C1orf87: variants seen among roughly 807,000 people sequenced by gnomAD.
C1orf87 encodes uncharacterized protein C1orf87.
In C1orf87, 58 loss-of-function variants were observed where a neutral mutation model predicts 60.5. The ratio of observed to expected loss-of-function variants is 0.96; its 90% CI spans 0.78 to 1.19. C1orf87 has a LOEUF of 1.19. C1orf87 is among the 50% of genes most tolerant of loss of function. The pLI is 0.00. For missense variants in C1orf87, 673 were observed against 638.6 expected (o/e 1.05, Z -0.58); for synonymous variants, 236 against 227.4 (o/e 1.04, Z -0.34).
At chr1:60,054,976 C>A (rs142522746) in intron 3 of C1orf87, among the ~76,000 whole-genome samples, 2,426 of 152,154 alleles carry the variant, frequency 0.016, 24 homozygotes, top group Non-Finnish European at 0.026. Context: ...TTGTCATGAC[C>A]AACTTCTTTG....
intron 3 of C1orf87, among the ~76,000 whole-genome samples, chr1:60,044,309 C>T (rs1190123747): frequency 2.0e-5 from 3 of 152,200 alleles, no homozygotes; most frequent in African/African-American, 7.2e-5. Flanking sequence ...GGATTACAGG[C>T]GTGAGCCACC....
chr1:60,068,431 C>G (rs74085896), intron 2 of C1orf87, among the ~76,000 whole-genome samples: 1,818 of 152,284 alleles, frequency 0.012, 38 homozygotes, highest in African/African-American at 0.041. Context: ...GTATTAAAAA[C>G]TGTTGAATAA....
chr1:60,064,394 T>C (rs1645521286), intron 2 of C1orf87, among the ~76,000 whole-genome samples: 1 of 141,154 alleles, frequency 7.1e-6, no homozygotes, highest in Non-Finnish European at 1.5e-5. Context: ...CACAACAAAG[T>C]GATTCACATA....
intron 8 of C1orf87, among the ~76,000 whole-genome samples, chr1:60,017,477 C>G (rs959515302): frequency 6.6e-6 from 1 of 152,144 alleles, no homozygotes; most frequent in Non-Finnish European, 1.5e-5. Context: ...TTTCATGAAG[C>G]TTCCATAGCA....
At chr1:60,059,234 G>A (rs758235425) in intron 2 of C1orf87, among the ~76,000 whole-genome samples, 29 of 152,132 alleles carry the variant, frequency 1.9e-4, no homozygotes, top group Non-Finnish European at 3.7e-4. Flanking sequence ...CTAGGCTTGT[G>A]TACCATCTAC....
At chr1:60,017,604 C>G (rs1645132829) in intron 8 of C1orf87, among the ~76,000 whole-genome samples, 1 of 152,152 alleles carries the variant, frequency 6.6e-6, no homozygotes, top group African/African-American at 2.4e-5. Flanking sequence ...GCCTCCTGTT[C>G]TCTCTCTGCC....
chr1:60,005,419 A>G (rs887546517), intron 9 of C1orf87, among the ~76,000 whole-genome samples: 1 of 149,576 alleles, frequency 6.7e-6, no homozygotes, highest in Admixed American at 6.8e-5. Flanking sequence ...AATGTCAGGT[A>G]GTGATAAGTG....
intron 7 of C1orf87, among the ~76,000 whole-genome samples, chr1:60,027,646 A>G (rs1259396412): frequency 6.6e-6 from 1 of 152,246 alleles, no homozygotes; most frequent in Non-Finnish European, 1.5e-5. Flanking sequence ...TATGAAAGGA[A>G]AGACAACCAA....
At chr1:60,060,288 G>A (rs1411592615) in intron 2 of C1orf87, among the ~76,000 whole-genome samples, 1 of 151,980 alleles carries the variant, frequency 6.6e-6, no homozygotes, top group Non-Finnish European at 1.5e-5. Context: ...ATTCTTTCAT[G>A]TTGTGTGACT....
At chr1:60,016,540 C>A (rs1453439795) in intron 8 of C1orf87, among the ~76,000 whole-genome samples, 1 of 152,124 alleles carries the variant, frequency 6.6e-6, no homozygotes, top group Non-Finnish European at 1.5e-5. Context: ...ACTCTGAAAT[C>A]TAAACAAATG....
At chr1:60,012,177 TG>T (rs897841756) in intron 8 of C1orf87, among the ~76,000 whole-genome samples, 1 of 144,022 alleles carries the variant, frequency 6.9e-6, no homozygotes, top group African/African-American at 2.6e-5. Context: ...GACGCTTTGA[TG>T]AAAAAAAAAA....
At chr1:60,008,760 A>G in intron 9 of C1orf87, 2 of 445,504 alleles carry the variant, frequency 4.5e-6, no homozygotes, top group Non-Finnish European at 4.5e-6. Context: ...TGGTCTCCTC[A>G]TTGAAAATAT....
chr1:60,002,625 T>C (rs1192241119), intron 9 of C1orf87, among the ~76,000 whole-genome samples: 2 of 152,100 alleles, frequency 1.3e-5, no homozygotes, highest in Non-Finnish European at 2.9e-5. Context: ...GTGCAGAAGC[T>C]CTTTAGTTTA....
intron 11 of C1orf87, among the ~76,000 whole-genome samples, chr1:59,993,012 C>T (rs1644935733): frequency 6.6e-6 from 1 of 152,152 alleles, no homozygotes; most frequent in African/African-American, 2.4e-5. Context: ...AGCTTTGCTT[C>T]CTCTGGCCAT....
At chr1:60,005,360 C>T (rs1645036341) in intron 9 of C1orf87, among the ~76,000 whole-genome samples, 1 of 152,052 alleles carries the variant, frequency 6.6e-6, no homozygotes, top group African/African-American at 2.4e-5. Flanking sequence ...AGAATCTTTG[C>T]TTCATGGAGT....
Position 60,010,563 on chromosome 1 carries a change from T to C in C1orf87, c.1128-107A>G. On this transcript the variant is annotated intron_variant, in intron 8 of 11. Coordinates refer to ENST00000371201, the MANE Select transcript of C1orf87 (RefSeq NM_152377.3). ...TAGTGATATTGAATAAGCTTTTTGATACTTCTATCATTTAAGGTCCAATGC... is the reference window on the plus strand; with the variant it reads ...TAGTGATATTGAATAAGCTTTTTGACACTTCTATCATTTAAGGTCCAATGC... 9 of 943,474 alleles carry C rather than the reference T, an allele frequency of 9.5e-6. No individual in the cohort carries two copies. In the South Asian group the frequency reaches 1.3e-4, roughly 14 times the overall value. 58.4% of individuals were successfully genotyped at this position (943,474 alleles called of 1,614,324 possible). A position where few individuals can be genotyped will look rare whatever the true frequency, so the allele number is the denominator to read the frequency against.
chr1:60,069,584 A>G (rs754042997), intron 2 of C1orf87, among the ~76,000 whole-genome samples: 1 of 152,106 alleles, frequency 6.6e-6, no homozygotes, highest in Non-Finnish European at 1.5e-5. Context: ...AAATATAAGT[A>G]TTTTTCTTTG....
At chr1:60,026,639 G>A (rs1310618990) in intron 7 of C1orf87, among the ~76,000 whole-genome samples, 3 of 152,104 alleles carry the variant, frequency 2.0e-5, no homozygotes, top group Non-Finnish European at 2.9e-5. Context: ...CAAGTTTAAT[G>A]TGTGGACTAT....
chr1:60,033,560 G>T lies in C1orf87; in HGVS notation c.945C>A (p.Thr315=), dbSNP rs201219040. The change falls in exon 7 of 12, where the codon ACC becomes ACA. Residue 315 remains threonine, a synonymous_variant. Transcript: ENST00000371201. The part of the protein sequence containing the change: ...LEILKMALRT[T]NGRLNIDNLN... Reference sequence around the variant, plus strand: ...GATTGTCTATGTTGAGTCTGCCATTGGTTGTCCTTAGTGCCATCTTCAAAA... The same window carrying T: ...GATTGTCTATGTTGAGTCTGCCATTTGTTGTCCTTAGTGCCATCTTCAAAA... 47 of 1,613,742 alleles carry T rather than the reference G, an allele frequency of 2.9e-5. No individual in the cohort carries two copies. The highest frequency in any genetic ancestry group is 3.3e-4 in the Middle Eastern group (2 of 6,062).
Sources: gnomAD v4.1 joint callset for allele counts (sites outside exome capture counted in the v4.1 genomes callset) on GRCh38, gnomAD v4.1.1 for gene constraint, MANE v1.5 for transcripts, NCBI Gene and HGNC (gene_info 2026-07-23, HGNC 2026-07-21) for gene names.